Variants in PCDH9 observed in about 807,000 individuals in gnomAD.
PCDH9 encodes protocadherin-9.
A neutral mutation model predicts 70.6 loss-of-function variants in PCDH9; 24 were observed. The ratio of observed to expected loss-of-function variants is 0.34; its 90% CI spans 0.25 to 0.48. The LOEUF (loss-of-function observed/expected upper bound fraction) is 0.48, where lower values mean the gene tolerates loss of function less well. Among genes scored for constraint, PCDH9 ranks in the 20% least tolerant of loss-of-function variants. The probability of loss-of-function intolerance (pLI) is 0.99; values close to 1 mark genes in which losing one functional copy is unlikely to be tolerated. For missense variants in PCDH9, 1,281 were observed against 1,503.6 expected, an observed-to-expected ratio of 0.85 and a Z score of 2.45; for synonymous variants, 562 against 558.5, an observed-to-expected ratio of 1.01 and a Z score of -0.09.
At chr13:66,876,525 T>C (rs1041426988) in intron 3 of PCDH9, among the ~76,000 whole-genome samples, 1 of 152,176 alleles carries the variant, frequency 6.6e-6, no homozygotes, top group Non-Finnish European at 1.5e-5. Flanking sequence ...TTTAGTAGAA[T>C]GAATTTGAGG....
chr13:66,676,071 C>A (rs370744260), intron 3 of PCDH9, among the ~76,000 whole-genome samples: 113 of 152,182 alleles, frequency 7.4e-4, no homozygotes, highest in African/African-American at 2.6e-3. Context: ...TGTTCTGTAA[C>A]CCTGGATTTT....
chr13:67,114,496 GT>G (rs1313909497), intron 2 of PCDH9, among the ~76,000 whole-genome samples: 1 of 151,882 alleles, frequency 6.6e-6, no homozygotes, highest in East Asian at 1.9e-4. Context: ...TACTCTTACA[GT>G]TTTTTTTACA....
At chr13:66,659,795 G>A (rs529237082) in intron 3 of PCDH9, among the ~76,000 whole-genome samples, 1 of 149,660 alleles carries the variant, frequency 6.7e-6, no homozygotes, top group Non-Finnish European at 1.5e-5. Flanking sequence ...GCTGATTTGG[G>A]GTGTGTGCCT....
At chr13:66,355,283 T>A (rs1041808838) in intron 4 of PCDH9, among the ~76,000 whole-genome samples, 1 of 152,074 alleles carries the variant, frequency 6.6e-6, no homozygotes, top group South Asian at 2.1e-4. Flanking sequence ...ATCACCCTTT[T>A]GCAGTGAGTC....
intron 4 of PCDH9, among the ~76,000 whole-genome samples, chr13:66,459,178 A>C (rs368886084): frequency 8.5e-5 from 13 of 152,074 alleles, no homozygotes; most frequent in African/African-American, 3.1e-4. Context: ...AACTGGTTGT[A>C]AGTTGTTGCC....
chr13:66,992,651 G>A (rs1218376136), intron 2 of PCDH9, among the ~76,000 whole-genome samples: 1 of 151,972 alleles, frequency 6.6e-6, no homozygotes, highest in South Asian at 2.1e-4. Context: ...TATATATATA[G>A]GCTAATTGAT....
At chr13:67,089,203 G>A (rs1424222366) in intron 2 of PCDH9, among the ~76,000 whole-genome samples, 4 of 151,976 alleles carry the variant, frequency 2.6e-5, no homozygotes, top group Non-Finnish European at 5.9e-5. Flanking sequence ...TGTAGGGGAT[G>A]TTTAATTAGA....
Position 66,600,765 on chromosome 13 carries a change from C to CGCGTGTGT in PCDH9, c.3340+30444_3340+30445insACACACGC, listed in dbSNP as rs1246456426. ...ACATTTTGGATGAACTAATTAAGAA[C>CGCGTGTGT]GTGTGTGTGTGTGTGTGTGTGTGTG... On this transcript the variant is annotated intron_variant, in intron 4 of 4. Transcript: ENST00000377865. Among the ~76,000 whole-genome samples the CGCGTGTGT allele has an allele frequency of 3.9e-4, 52 of 133,040 alleles. 3 individuals are homozygous for CGCGTGTGT. The highest frequency in any genetic ancestry group is 1.4e-3 in the African/African-American group (51 of 37,472). 87.3% of individuals were successfully genotyped at this position (133,040 alleles called of 152,430 possible).
Position 67,142,941 on chromosome 13 carries a change from G to A in PCDH9, c.3036+82464C>T, listed in dbSNP as rs530933795. Among the ~76,000 whole-genome samples the A allele has an allele frequency of 2.4e-3, 370 of 151,906 alleles. 3 individuals carry two copies. The highest frequency in any genetic ancestry group is 8.7e-3 in the African/African-American group (359 of 41,436). On this transcript the variant is annotated intron_variant, in intron 2 of 4. Coordinates refer to ENST00000377865, the MANE Select transcript of PCDH9 (RefSeq NM_203487.3). Reference sequence around the variant, plus strand: ...GGAGAATCGCTTGAACCCCGGAGGCGGAGGTTGCAGTGAGCCGAGATTGCA... The same window carrying A: ...GGAGAATCGCTTGAACCCCGGAGGCAGAGGTTGCAGTGAGCCGAGATTGCA...
chr13:66,748,803 A>G (rs907846546), intron 3 of PCDH9, among the ~76,000 whole-genome samples: 5 of 152,194 alleles, frequency 3.3e-5, no homozygotes, highest in African/African-American at 1.2e-4. Context: ...TAAGAGCACA[A>G]AGAGCTTCAA....
At chr13:66,811,869 C>G (rs984180457) in intron 3 of PCDH9, among the ~76,000 whole-genome samples, 4 of 151,586 alleles carry the variant, frequency 2.6e-5, no homozygotes, top group African/African-American at 9.7e-5. Flanking sequence ...AAAATATCTT[C>G]ACAAGCCTAG....
chr13:66,895,895 A>T (rs2082170729), intron 3 of PCDH9, among the ~76,000 whole-genome samples: 2 of 152,166 alleles, frequency 1.3e-5, no homozygotes, highest in Non-Finnish European at 2.9e-5. Flanking sequence ...ATCATTTTCT[A>T]CATGAACAGC....
At position 66,631,277 on chromosome 13, in the gene PCDH9, G is replaced by A. The variant is rs372281341; in HGVS notation, c.3273C>T (p.Asp1091=). 78 of 1,609,668 alleles carry A rather than the reference G, an allele frequency of 4.8e-5. No individual in the cohort carries two copies. The South Asian group carries it at 5.5e-4, about 11-fold the overall frequency. ...SHPLPLVQPQ[D]EFYDQASPDK... ...CCGGAGAGGCCTGGTCATAGAATTC[G>A]TCCTGTGGCTGAACCAGAGGAAGAG... The change falls in exon 4 of 5, where the codon GAC becomes GAT. Residue 1091 remains aspartate, a synonymous_variant. Coordinates refer to ENST00000377865, the MANE Select transcript of PCDH9 (RefSeq NM_203487.3).
chr13:66,499,713 T>TAA (rs752443434), intron 4 of PCDH9, among the ~76,000 whole-genome samples: 1 of 152,332 alleles, frequency 6.6e-6, no homozygotes, highest in Non-Finnish European at 1.5e-5. Flanking sequence ...ATAGGTTGAA[T>TAA]GTTTGTCCCC....
intron 2 of PCDH9, among the ~76,000 whole-genome samples, chr13:67,043,068 T>C (rs2085154136): frequency 6.6e-6 from 1 of 152,194 alleles, no homozygotes; most frequent in South Asian, 2.1e-4. Context: ...ATGAGATTCA[T>C]ACAGCAATAA....
In PCDH9 at chr13:66,495,695, G is replaced by A. The variant is rs578153874; in HGVS notation, c.3340+135515C>T. On this transcript the variant is annotated intron_variant, in intron 4 of 4. Coordinates refer to ENST00000377865, the MANE Select transcript of PCDH9 (RefSeq NM_203487.3). ...TTGGTTCTGGGTAGAGAACACACTG[G>A]TGACTCTTTGACCTCTATTGGCTGC... is the stretch of plus-strand genomic sequence containing the variant. 3.9e-5 allele frequency among the ~76,000 whole-genome samples: 6 copies of A among 152,098 alleles called. No individual in the cohort carries two copies. In the East Asian group the frequency reaches 1.2e-3, roughly 29 times the overall value.
At chr13:66,324,805 T>C (rs977012897) in intron 4 of PCDH9, among the ~76,000 whole-genome samples, 23 of 152,132 alleles carry the variant, frequency 1.5e-4, no homozygotes, top group Non-Finnish European at 3.2e-4. Context: ...ACATGTAGAT[T>C]AATATAATTC....
At chr13:66,547,394 T>C (rs1351210739) in intron 4 of PCDH9, among the ~76,000 whole-genome samples, 1 of 152,144 alleles carries the variant, frequency 6.6e-6, no homozygotes, top group African/African-American at 2.4e-5. Context: ...ATCAACAGAG[T>C]CTATAAGGCA....
intron 2 of PCDH9, among the ~76,000 whole-genome samples, chr13:67,061,482 T>C (rs2138127761): frequency 6.6e-6 from 1 of 152,184 alleles, no homozygotes; most frequent in Non-Finnish European, 1.5e-5. Context: ...ATAGAAGCTA[T>C]GGTTTGAAAA....
Sources: gnomAD v4.1 joint callset for allele counts (sites outside exome capture counted in the v4.1 genomes callset) on GRCh38, gnomAD v4.1.1 for gene constraint, MANE v1.5 for transcripts, NCBI Gene and HGNC (gene_info 2026-07-23, HGNC 2026-07-21) for gene names.